The following BMP2K variants were observed in gnomAD, a reference collection of about 807,000 sequenced individuals.
BMP2K encodes the protein BMP-2-inducible protein kinase.
A neutral mutation model predicts 116.0 loss-of-function variants in BMP2K; 74 were observed. That is an observed-to-expected ratio of 0.64 (90% CI 0.53 to 0.77). BMP2K has a LOEUF of 0.77. Among genes scored for constraint, BMP2K ranks in the 30% least tolerant of loss-of-function variants. BMP2K has a pLI of 0.00. For missense variants in BMP2K, 1,365 were observed against 1,403.6 expected (o/e 0.97, Z 0.44); for synonymous variants, 486 against 502.5 (o/e 0.97, Z 0.44).
intron 5 of BMP2K, among the ~76,000 whole-genome samples, chr4:78,846,057 T>C (rs994112809): frequency 2.0e-5 from 3 of 151,714 alleles, no homozygotes; most frequent in African/African-American, 7.2e-5. Context: ...TTTATTGGAT[T>C]GTGATGTTTA....
chr4:78,870,393 CTT>C (rs1732270359), intron 10 of BMP2K, among the ~76,000 whole-genome samples: 1 of 152,136 alleles, frequency 6.6e-6, no homozygotes, highest in South Asian at 2.1e-4. Flanking sequence ...TTGAGCTAAA[CTT>C]TAAAGAATAA....
At chr4:78,813,273 A>G (rs1462021502) in intron 1 of BMP2K, among the ~76,000 whole-genome samples, 2 of 152,158 alleles carry the variant, frequency 1.3e-5, no homozygotes, top group Non-Finnish European at 2.9e-5. Context: ...ACTAATTCCC[A>G]CTGCCCTGAT....
chr4:78,835,761 C>T (rs1039394473), intron 3 of BMP2K, among the ~76,000 whole-genome samples: 12 of 151,820 alleles, frequency 7.9e-5, no homozygotes, highest in African/African-American at 2.9e-4. Context: ...TCCATATTTC[C>T]ACACTGCATT....
At chr4:78,906,360 AG>A (rs939390775) in intron 15 of BMP2K, among the ~76,000 whole-genome samples, 8 of 152,104 alleles carry the variant, frequency 5.3e-5, no homozygotes, top group East Asian at 3.9e-4. Flanking sequence ...AGTTTTATGT[AG>A]GGGGGCAAAA....
intron 13 of BMP2K, 77 bp from the exon 14 acceptor site, chr4:78,878,657 A>T: frequency 8.5e-7 from 1 of 1,178,748 alleles, no homozygotes; most frequent in South Asian, 1.4e-5. Flanking sequence ...ATAAAGTATA[A>T]AGTAGGGCAT....
chr4:78,814,296 T>C (rs142928421), intron 1 of BMP2K, among the ~76,000 whole-genome samples: 2 of 152,352 alleles, frequency 1.3e-5, no homozygotes, highest in African/African-American at 4.8e-5. Flanking sequence ...TACTGTCCTA[T>C]TATTATCCAT....
intron 6 of BMP2K, among the ~76,000 whole-genome samples, chr4:78,847,540 ATGAGTGTTAACATTTTT>A (rs1329254377): frequency 6.6e-6 from 1 of 151,662 alleles, no homozygotes; most frequent in Non-Finnish European, 1.5e-5. Context: ...TAGATTATAT[ATGAGTGTTAACATTTTT>A]TTTGAGTGGA....
Position 78,861,372 on chromosome 4 carries a change from AT to A in BMP2K, c.988-9del, listed in dbSNP as rs562375575. Reference sequence around the variant, plus strand: ...ATAAAAAACTAAAATGAGACGTTTTATTTTTTTTCTTCCAAGAATTCTTCTA... The same window carrying A: ...ATAAAAAACTAAAATGAGACGTTTTATTTTTTTCTTCCAAGAATTCTTCTA... On this transcript the variant is annotated splice_polypyrimidine_tract_variant and intron_variant, in intron 8 of 15. Coordinates refer to ENST00000502613, the MANE Select transcript of BMP2K (RefSeq NM_198892.2). The A allele has an allele frequency of 2.7e-5, 42 of 1,571,384 alleles. No homozygotes were observed. Among genetic ancestry groups the A allele is most frequent in the South Asian group, 8.2e-5 (7 of 84,918 alleles).
At chr4:78,882,665 T>C (rs989311271) in intron 14 of BMP2K, among the ~76,000 whole-genome samples, 2 of 151,936 alleles carry the variant, frequency 1.3e-5, no homozygotes, top group African/African-American at 4.8e-5. Flanking sequence ...TACTCGTTAA[T>C]TAAAACTATT....
rs992044398 is a variant in BMP2K at position 78,776,614 on chromosome 4, GCGGGGC to G, written c.87_92del (p.Ala30_Gly31del). On this transcript the variant is annotated inframe_deletion, in exon 1 of 16. Transcript: ENST00000502613. ...GGCGGAGCGGCGGGTGGCGGGGCTG[GCGGGGC>G]CGGGGCCGGGGCCGGCTGCGGCTCC... is the stretch of plus-strand genomic sequence containing the variant. 82 of 1,199,674 alleles carry G rather than the reference GCGGGGC, an allele frequency of 6.8e-5. No individual in the cohort carries two copies. The highest frequency in any genetic ancestry group is 3.3e-4 in the Middle Eastern group (1 of 3,016). 74.3% of individuals were successfully genotyped at this position (1,199,674 alleles called of 1,614,324 possible).
At chr4:78,865,765 A>T in intron 10 of BMP2K, 45 bp downstream of exon 10, 1 of 1,575,730 alleles carries the variant, frequency 6.3e-7, no homozygotes, top group Non-Finnish European at 8.7e-7. Flanking sequence ...GTTAATGTTA[A>T]TAAACCTTTC....
intron 2 of BMP2K, among the ~76,000 whole-genome samples, chr4:78,832,035 A>G (rs976720832): frequency 6.6e-6 from 1 of 152,174 alleles, no homozygotes; most frequent in Non-Finnish European, 1.5e-5. Context: ...GCTGAATAAT[A>G]TCCCATTATA....
intron 10 of BMP2K, among the ~76,000 whole-genome samples, chr4:78,866,560 C>A (rs1452119382): frequency 6.6e-6 from 1 of 152,144 alleles, no homozygotes; most frequent in African/African-American, 2.4e-5. Context: ...CTACCTGATA[C>A]ACGGTATGCC....
At chr4:78,874,265 C>T (rs1019475617) in intron 13 of BMP2K, among the ~76,000 whole-genome samples, 1 of 152,000 alleles carries the variant, frequency 6.6e-6, no homozygotes, top group Middle Eastern at 3.2e-3. Context: ...AAATTTTTTG[C>T]TTTATTCACA....
chr4:78,798,631 T>G (rs1016479864), intron 1 of BMP2K, among the ~76,000 whole-genome samples: 6 of 152,256 alleles, frequency 3.9e-5, no homozygotes, highest in African/African-American at 1.4e-4. Context: ...CTTGGAATTC[T>G]GACTTGAGAA....
chr4:78,843,266 CCTT>C (rs1210220843), intron 4 of BMP2K, among the ~76,000 whole-genome samples: 8 of 151,848 alleles, frequency 5.3e-5, no homozygotes, highest in African/African-American at 1.7e-4. Flanking sequence ...CTCAGGTTCA[CCTT>C]CTCAGTGAGT....
intron 1 of BMP2K, among the ~76,000 whole-genome samples, chr4:78,799,975 C>T (rs566910104): frequency 9.2e-5 from 14 of 152,254 alleles, no homozygotes; most frequent in African/African-American, 2.6e-4. Context: ...TAGTGGAAGT[C>T]GGTGAGCAGG....
At position 78,913,031 on chromosome 4, in the gene BMP2K, CA is replaced by C. The variant is rs1734743209; in HGVS notation, c.*1000del. On this transcript the variant is annotated 3_prime_UTR_variant, in exon 16 of 16. Transcript: ENST00000502613. ...AAATATGTAGCGGAAACTGAATTTT[CA>C]AGACATTTACAATGTGAAATCATGT... The C allele has an allele frequency of 6.6e-6, 1 of 152,194 alleles. No individual in the cohort carries two copies. The allele number at this position is 152,194 out of a possible 1,614,324, so 9.4% of individuals were successfully genotyped here. A position where few individuals can be genotyped will look rare whatever the true frequency, so the allele number is the denominator to read the frequency against.
chr4:78,898,462 CA>C (rs1395651318), intron 15 of BMP2K, among the ~76,000 whole-genome samples: 1 of 151,162 alleles, frequency 6.6e-6, no homozygotes, highest in African/African-American at 2.4e-5. Flanking sequence ...GAGAGGTTGG[CA>C]GGGGCTATCA....
Sources: allele counts gnomAD v4.1 joint callset (sites outside exome capture counted in the v4.1 genomes callset), GRCh38; gene constraint gnomAD v4.1.1; transcripts MANE v1.5; gene names NCBI Gene and HGNC (gene_info 2026-07-23, HGNC 2026-07-21).